PCDHGA5: variants seen among roughly 807,000 people sequenced by gnomAD.
PCDHGA5 encodes protocadherin gamma-A5.
Under a neutral mutation model 56.7 loss-of-function variants are expected in PCDHGA5, and 36 were observed. The ratio of observed to expected loss-of-function variants is 0.64; its 90% CI spans 0.49 to 0.84. The LOEUF (loss-of-function observed/expected upper bound fraction) is 0.84, where lower values mean the gene tolerates loss of function less well. Among genes scored for constraint, PCDHGA5 ranks in the 40% least tolerant of loss-of-function variants. The pLI, the probability that PCDHGA5 is intolerant of heterozygous loss-of-function variation, is 0.00. For synonymous variants in PCDHGA5, 563 were observed against 520.2 expected (o/e 1.08, Z -1.12); for missense variants, 1,305 against 1,201.5 (o/e 1.09, Z -1.27).
At position 141,364,176 on chromosome 5, in the gene PCDHGA5, C is replaced by G; in HGVS notation, c.-155C>G. On this transcript the variant is annotated 5_prime_UTR_variant, in exon 1 of 4. Transcript: ENST00000518069. ...GCCGCAGAGGCGACCCGACTCTGCT[C>G]CCTCCATACTAAACACACAGACCAG... is the stretch of plus-strand genomic sequence containing the variant. 1 of 835,076 alleles carries G rather than the reference C, an allele frequency of 1.2e-6. No homozygotes were observed. Among genetic ancestry groups the G allele is most frequent in the Non-Finnish European group, 1.7e-6 (1 of 584,368 alleles). 51.7% of individuals were successfully genotyped at this position (835,076 alleles called of 1,614,324 possible).
intron 1 of PCDHGA5, chr5:141,384,958 T>A: frequency 6.2e-7 from 1 of 1,613,954 alleles, no homozygotes; most frequent in Non-Finnish European, 8.5e-7. Context: ...TCCTTACAAC[T>A]ATGACCTCAC....
chr5:141,427,921 G>A (rs2097089596), intron 1 of PCDHGA5: 3 of 1,580,128 alleles, frequency 1.9e-6, no homozygotes, highest in African/African-American at 1.3e-5. Flanking sequence ...AACATGAGCC[G>A]GCGCATGTTG....
rs1415142555 is a variant in PCDHGA5, at chr5:141,476,011, A to G, written c.2422-18796A>G. The G allele has an allele frequency of 7.6e-7, 1 of 1,311,282 alleles. No individual in the cohort carries two copies. The highest frequency in any genetic ancestry group is 1.0e-6 in the Non-Finnish European group (1 of 962,238). 81.2% of individuals were successfully genotyped at this position (1,311,282 alleles called of 1,614,324 possible). ...GCAAATCAACGGCATCCAGAAAGCC[A>G]TGTCGGACTCGGCGCCCAGCGCCCA... On this transcript the variant is annotated intron_variant, in intron 1 of 3. Coordinates refer to ENST00000518069, the MANE Select transcript of PCDHGA5 (RefSeq NM_018918.3). This position sits in a 1 kb window ranked among gnomAD's most constrained non-coding sequence, Gnocchi z 7.6.
At chr5:141,454,620 G>T (rs1028840158) in intron 1 of PCDHGA5, among the ~76,000 whole-genome samples, 1 of 151,520 alleles carries the variant, frequency 6.6e-6, no homozygotes, top group East Asian at 1.9e-4. Flanking sequence ...TGGTCAGGCT[G>T]GTCTCGAACC....
intron 1 of PCDHGA5, among the ~76,000 whole-genome samples, chr5:141,484,306 C>T (rs1009067603): frequency 6.6e-6 from 1 of 152,184 alleles, no homozygotes; most frequent in African/African-American, 2.4e-5. Context: ...GCTTCCTCCA[C>T]CCCGCTTCCA....
chr5:141,423,139 G>A (rs2096713828), intron 1 of PCDHGA5: 2 of 1,613,616 alleles, frequency 1.2e-6, no homozygotes, highest in Middle Eastern at 1.7e-4. Flanking sequence ...GGACAGAGAC[G>A]CGCTCAAGCA....
chr5:141,419,769 C>G (rs773303779), intron 1 of PCDHGA5: 3 of 1,613,888 alleles, frequency 1.9e-6, no homozygotes, highest in Non-Finnish European at 2.5e-6. Context: ...GACAAGGACT[C>G]GGTCCGCCAG....
intron 1 of PCDHGA5, among the ~76,000 whole-genome samples, chr5:141,454,657 C>T (rs554561906): frequency 5.1e-4 from 77 of 152,192 alleles, no homozygotes; most frequent in African/African-American, 1.7e-3. Flanking sequence ...CTGCCCACCT[C>T]GGCCTCCCAA....
intron 1 of PCDHGA5, among the ~76,000 whole-genome samples, chr5:141,474,922 C>G (rs748864870): frequency 3.9e-5 from 6 of 152,238 alleles, no homozygotes; most frequent in Non-Finnish European, 8.8e-5. Flanking sequence ...CATCTCATCT[C>G]TGGCTTATAT....
rs148995268 is a variant in PCDHGA5, at chr5:141,486,253, C to T, written c.2422-8554C>T. On this transcript the variant is annotated intron_variant, in intron 1 of 3. Coordinates refer to ENST00000518069, the MANE Select transcript of PCDHGA5 (RefSeq NM_018918.3). The surrounding 1 kb of genome is among the most constrained non-coding windows in gnomAD (Gnocchi z 5.0). The stretch of plus-strand genomic sequence containing the variant: ...TGACCTCAGAGCTTGGAACCCTCCC[C>T]GAGAGTGCAGAACCTGGCACTGTGG... 8 of 1,614,020 alleles carry T rather than the reference C, an allele frequency of 5.0e-6. No individual in the cohort carries two copies. The African/African-American group carries it at 8.0e-5, about 16-fold the overall frequency.
intron 1 of PCDHGA5, chr5:141,394,896 G>A: frequency 4.3e-6 from 7 of 1,613,872 alleles, no homozygotes; most frequent in Non-Finnish European, 5.9e-6. Context: ...CTATCTCGTG[G>A]TGGCAGTGGC....
chr5:141,409,903 G>A (rs570063514), intron 1 of PCDHGA5: 1 of 1,613,268 alleles, frequency 6.2e-7, no homozygotes, highest in Non-Finnish European at 8.5e-7. Flanking sequence ...ACCCAGCTCT[G>A]GGTCCTGACG....
chr5:141,489,312 G>A lies in PCDHGA5; in HGVS notation c.2422-5495G>A, dbSNP rs745541067. The A allele has an allele frequency of 2.5e-6, 4 of 1,594,972 alleles. No homozygotes were observed. The highest frequency in any genetic ancestry group is 2.6e-6 in the Non-Finnish European group (3 of 1,169,822). On this transcript the variant is annotated intron_variant, in intron 1 of 3. Transcript: ENST00000518069. This position sits in a 1 kb window ranked among gnomAD's most constrained non-coding sequence, Gnocchi z 4.5. ...TGTGCATGTTGTCCTTGTGCTGCTG[G>A]GGCTGGGTGTCTGGGCAGCTTCGTT...
chr5:141,474,407 G>A (rs1431210575), intron 1 of PCDHGA5, among the ~76,000 whole-genome samples: 2 of 152,230 alleles, frequency 1.3e-5, no homozygotes, highest in East Asian at 1.9e-4. Flanking sequence ...GCTCCCCGGT[G>A]ATGCCTAGAC....
At chr5:141,449,948 C>T (rs1294423807) in intron 1 of PCDHGA5, among the ~76,000 whole-genome samples, 1 of 151,034 alleles carries the variant, frequency 6.6e-6, no homozygotes, top group Non-Finnish European at 1.5e-5. Context: ...TTTTACTATA[C>T]CTCATAGTAA....
At chr5:141,394,373 C>G in intron 1 of PCDHGA5, 2 of 1,614,206 alleles carry the variant, frequency 1.2e-6, no homozygotes, top group Non-Finnish European at 8.5e-7. Context: ...TGCAATCTTT[C>G]GACTATGAGC....
intron 1 of PCDHGA5, among the ~76,000 whole-genome samples, chr5:141,480,959 C>A (rs1476891394): frequency 1.3e-5 from 2 of 152,086 alleles, no homozygotes; most frequent in East Asian, 3.8e-4. Flanking sequence ...GCGGAAGCAT[C>A]AGTGAGGGAG....
intron 1 of PCDHGA5, chr5:141,402,985 A>G: frequency 6.2e-7 from 1 of 1,609,390 alleles, no homozygotes; most frequent in Non-Finnish European, 8.5e-7. Context: ...AGCTCCGCGG[A>G]AGATTAGTCC....
intron 1 of PCDHGA5, chr5:141,433,160 A>G: frequency 1.9e-6 from 3 of 1,613,848 alleles, no homozygotes; most frequent in Middle Eastern, 1.7e-4. Context: ...GGTATTTTCT[A>G]AAGACAGTCA....
Sources: allele counts gnomAD v4.1 joint callset (sites outside exome capture counted in the v4.1 genomes callset), GRCh38; gene constraint gnomAD v4.1.1; non-coding constraint Gnocchi (gnomAD v3.1); transcripts MANE v1.5; gene names NCBI Gene and HGNC (gene_info 2026-07-23, HGNC 2026-07-21).